NHSL2: variants seen among roughly 807,000 people sequenced by gnomAD.
NHSL2 encodes NHS like 2, also known as NHS-like protein 2.
A neutral mutation model predicts 53.4 loss-of-function variants in NHSL2; 27 were observed. The observed-to-expected ratio is 0.51, with a 90% confidence interval of 0.37 to 0.70. The LOEUF is 0.70. Among genes scored for constraint, NHSL2 ranks in the 30% least tolerant of loss-of-function variants. The pLI, the probability that NHSL2 is intolerant of heterozygous loss-of-function variation, is 0.00. For synonymous variants in NHSL2, 408 were observed against 404.1 expected (o/e 1.01, Z -0.12); for missense variants, 892 against 980.1 (o/e 0.91, Z 1.20).
intron 1 of NHSL2, among the ~76,000 whole-genome samples, chrX:72,053,798 G>C (rs1340633711): frequency 9.0e-6 from 1 of 111,394 alleles, no homozygotes; most frequent in African/African-American, 3.3e-5. Flanking sequence ...TCATTTTGGG[G>C]TCCACTCCTC....
intron 1 of NHSL2, among the ~76,000 whole-genome samples, chrX:72,091,602 G>T (rs2041900723): frequency 9.0e-6 from 1 of 111,710 alleles, no homozygotes; most frequent in Non-Finnish European, 1.9e-5. Context: ...TTAAATGTGT[G>T]CTTGGAGAGC....
chrX:72,085,177 C>T (rs1327862390), intron 1 of NHSL2, among the ~76,000 whole-genome samples: 1 of 111,583 alleles, frequency 9.0e-6, no homozygotes, highest in Non-Finnish European at 1.9e-5. Flanking sequence ...AAGTCAGACC[C>T]CCCTGGCTGG....
At chrX:72,101,932 A>G (rs989297386) in intron 1 of NHSL2, among the ~76,000 whole-genome samples, 1 of 111,699 alleles carries the variant, frequency 9.0e-6, no homozygotes, top group Non-Finnish European at 1.9e-5. Context: ...AGTCCCATGC[A>G]CATGGTGATC....
chrX:72,090,270 G>C (rs1412682609), intron 1 of NHSL2, among the ~76,000 whole-genome samples: 3 of 110,916 alleles, frequency 2.7e-5, no homozygotes, highest in African/African-American at 9.9e-5. Context: ...TCACCGTGTT[G>C]CTCAGGTTGG....
chrX:71,946,798 C>CA (rs2041794804), intron 1 of NHSL2, among the ~76,000 whole-genome samples: 1 of 112,246 alleles, frequency 8.9e-6, no homozygotes, highest in Admixed American at 9.4e-5. Flanking sequence ...TGGATTTTAG[C>CA]ATGTTCACTC....
intron 1 of NHSL2, among the ~76,000 whole-genome samples, chrX:71,996,784 G>A (rs2042051909): frequency 8.9e-6 from 1 of 111,936 alleles, no homozygotes; most frequent in South Asian, 3.7e-4. Flanking sequence ...CAATGAGACA[G>A]GCAGAAAGGA....
chrX:71,941,279 A>C (rs748701234), intron 1 of NHSL2, among the ~76,000 whole-genome samples: 39 of 111,780 alleles, frequency 3.5e-4, no homozygotes, highest in African/African-American at 1.3e-3. Flanking sequence ...TATCTGAGTG[A>C]TTCTATGGGT....
chrX:72,132,047 C>T (rs2042309581), intron 1 of NHSL2, 32 bp from the exon 2 acceptor site: 2 of 1,163,251 alleles, frequency 1.7e-6, no homozygotes. Flanking sequence ...TCCAGCTCGC[C>T]TGCGCCTCTC....
At position 72,147,134 on chromosome X, in the gene NHSL2, C is replaced by T. The variant is rs1056536962; in HGVS notation, c.*3560C>T. The T allele has an allele frequency of 1.8e-5, 2 of 112,189 alleles. No individual in the cohort carries two copies. The highest frequency in any genetic ancestry group is 6.5e-5 in the African/African-American group (2 of 30,832). 9.2% of individuals were successfully genotyped at this position (112,189 alleles called of 1,213,427 possible). ...CAGTCTGAGCAGATCTGTCCACGCACCTGCCCTCTTCCTCATCAATGAACA... is the reference window on the plus strand; with the variant it reads ...CAGTCTGAGCAGATCTGTCCACGCATCTGCCCTCTTCCTCATCAATGAACA... On this transcript the variant is annotated 3_prime_UTR_variant, in exon 8 of 8. Transcript: ENST00000633930.
chrX:71,956,012 T>C (rs926424752), intron 1 of NHSL2, among the ~76,000 whole-genome samples: 3 of 110,718 alleles, frequency 2.7e-5, no homozygotes, highest in Non-Finnish European at 5.7e-5. Flanking sequence ...GGAGGCCCCA[T>C]ATGTGACAGC....
chrX:72,106,264 A>C (rs2042039440), intron 1 of NHSL2, among the ~76,000 whole-genome samples: 1 of 111,268 alleles, frequency 9.0e-6, no homozygotes, highest in Non-Finnish European at 1.9e-5. Flanking sequence ...ACACACACAC[A>C]CACACACACA....
chrX:72,084,149 G>A (rs1198960855), intron 1 of NHSL2, among the ~76,000 whole-genome samples: 1 of 112,135 alleles, frequency 8.9e-6, no homozygotes, highest in South Asian at 3.7e-4. Flanking sequence ...TTCACTTACA[G>A]GCCTATATCC....
chrX:72,013,248 T>C (rs895040958), intron 1 of NHSL2, among the ~76,000 whole-genome samples: 1 of 112,169 alleles, frequency 8.9e-6, no homozygotes, highest in Admixed American at 9.5e-5. Context: ...ATAAGCGCTA[T>C]ACATATCTTG....
chrX:71,927,216 C>T (rs966622850), intron 1 of NHSL2, among the ~76,000 whole-genome samples: 1 of 112,285 alleles, frequency 8.9e-6, no homozygotes, highest in African/African-American at 3.2e-5. Flanking sequence ...TCTTGCTGAC[C>T]ATCGGGTTGG....
chrX:71,911,376 G>T lies in NHSL2; in HGVS notation c.280+9G>T, dbSNP rs925605713. 9.5e-7 allele frequency: 1 copy of T among 1,054,912 alleles called. No homozygotes were observed. Among genetic ancestry groups the T allele is most frequent in the South Asian group, 2.6e-5 (1 of 38,919 alleles). The allele number at this position is 1,054,912 out of a possible 1,213,427, so 86.9% of individuals were successfully genotyped here. On this transcript the variant is annotated intron_variant, in intron 1 of 7. Coordinates refer to ENST00000633930, the MANE Select transcript of NHSL2 (RefSeq NM_001013627.3). ...GGACGAGGAAGAGCTAGGTAAAAAC[G>T]GCGCCCCGGTGGCTCGCGGCCCCGC... is the stretch of plus-strand genomic sequence containing the variant.
At chrX:71,999,511 A>C (rs2042063798) in intron 1 of NHSL2, among the ~76,000 whole-genome samples, 1 of 112,109 alleles carries the variant, frequency 8.9e-6, no homozygotes, top group Admixed American at 9.5e-5. Context: ...ACAGAAGACA[A>C]ACTGAAATTG....
At chrX:71,950,301 T>C (rs781759808) in intron 1 of NHSL2, among the ~76,000 whole-genome samples, 85 of 112,378 alleles carry the variant, frequency 7.6e-4, no homozygotes, top group South Asian at 4.8e-3. Flanking sequence ...AAGGCAAGGC[T>C]AAGGAGTGGA....
At position 72,150,745 on chromosome X, in the gene NHSL2, TA is replaced by T. The variant is rs1450830644; in HGVS notation, c.*7172del. The T allele has an allele frequency of 4.5e-5, 5 of 112,250 alleles. No homozygotes were observed. Among genetic ancestry groups the T allele is most frequent in the African/African-American group, 1.6e-4 (5 of 30,869 alleles). The allele number at this position is 112,250 out of a possible 1,213,427, so 9.3% of individuals were successfully genotyped here. A position where few individuals can be genotyped will look rare whatever the true frequency, so the allele number is the denominator to read the frequency against. On this transcript the variant is annotated 3_prime_UTR_variant, in exon 8 of 8. Transcript: ENST00000633930. ...AGCCATGCATCTTTTAGAGCCACACTAGTCAAATTGATTGGCATTTCCATTT... is the reference window on the plus strand; with the variant it reads ...AGCCATGCATCTTTTAGAGCCACACTGTCAAATTGATTGGCATTTCCATTT...
Position 72,071,798 on chromosome X carries a change from C to CCT in NHSL2, c.281-60269_281-60268dup, listed in dbSNP as rs914508267. ...AGCATCCTGGTAGTCATCCTTCACT[C>CCT]CTCTCTCTCTCTCCCTCACCACACA... On this transcript the variant is annotated intron_variant, in intron 1 of 7. Coordinates refer to ENST00000633930, the MANE Select transcript of NHSL2 (RefSeq NM_001013627.3). Among the ~76,000 whole-genome samples, 23 of 111,761 alleles carry CCT rather than the reference C, an allele frequency of 2.1e-4. 1 individual carries two copies. The highest frequency in any genetic ancestry group is 4.0e-4 in the Non-Finnish European group (21 of 53,069).
Sources: allele counts gnomAD v4.1 joint callset (sites outside exome capture counted in the v4.1 genomes callset), GRCh38; gene constraint gnomAD v4.1.1; transcripts MANE v1.5; gene names NCBI Gene and HGNC (gene_info 2026-07-23, HGNC 2026-07-21).